STAT2: variants seen among roughly 807,000 people sequenced by gnomAD.
STAT2 encodes the protein interferon alpha induced transcriptional activator.
A neutral mutation model predicts 122.3 loss-of-function variants in STAT2; 51 were observed. The ratio of observed to expected loss-of-function variants is 0.42; its 90% CI spans 0.33 to 0.53. The LOEUF (loss-of-function observed/expected upper bound fraction) is 0.53, where lower values mean the gene tolerates loss of function less well. Among genes scored for constraint, STAT2 ranks in the 20% least tolerant of loss-of-function variants. STAT2 has a pLI of 0.10. For missense variants in STAT2, 736 were observed against 1,010.3 expected (o/e 0.73, Z 3.68); for synonymous variants, 351 against 394.9 (o/e 0.89, Z 1.32).
rs750862737 is a variant in STAT2 at position 56,343,443 on chromosome 12, G to C, written c.2502C>G (p.Val834=). 1.9e-6 allele frequency: 3 copies of C among 1,614,136 alleles called. No individual in the cohort carries two copies. In the Admixed American group the frequency reaches 5.0e-5, roughly 27 times the overall value. Residue 834 remains valine, a synonymous_variant, in exon 24 of 24, where the codon GTC becomes GTG. Coordinates refer to ENST00000314128, the MANE Select transcript of STAT2 (RefSeq NM_005419.4). ...CAGTGTAGAAGTGGCTGGGGCGGGA[G>C]ACGTAAACCTCATCCACGGTGTTCT... is the stretch of plus-strand genomic sequence containing the variant. ...AGQNTVDEVY[V]SRPSHFYTDG...
At chr12:56,355,107 C>T in intron 6 of STAT2, 169 bp downstream of exon 6, 1 of 790,920 alleles carries the variant, frequency 1.3e-6, no homozygotes, top group Non-Finnish European at 2.0e-6. Context: ...AGCTGCACCT[C>T]CAGCTCAGCC....
chr12:56,356,168 C>T lies in STAT2; in HGVS notation c.249G>A (p.Leu83=). The part of the protein sequence containing the change: ...RCSQDPESLL[L]QHNLRKFCRD... ...GGCAGAATTTCCGCAAATTGTGCTG[C>T]AGCAACAAGGACTCTGGGTCCTGGC... The change falls in exon 3 of 24, where the codon CTG becomes CTA. Residue 83 remains leucine (L), a synonymous_variant. Transcript: ENST00000314128. 6.2e-7 allele frequency: 1 copy of T among 1,614,134 alleles called. No individual in the cohort carries two copies. The highest frequency in any genetic ancestry group is 8.5e-7 in the Non-Finnish European group (1 of 1,180,012).
Position 56,346,974 on chromosome 12 carries a change from CTG to C in STAT2, c.1725-21_1725-20del. On this transcript the variant is annotated intron_variant, in intron 19 of 23. Coordinates refer to ENST00000314128, the MANE Select transcript of STAT2 (RefSeq NM_005419.4). ...GATGCGTCTGGAGCACAGAGAGCAG[CTG>C]TGAGACACCGCCCAACACCCTGCCC... The C allele has an allele frequency of 6.2e-7, 1 of 1,613,528 alleles. No homozygotes were observed. Among genetic ancestry groups the C allele is most frequent in the Non-Finnish European group, 8.5e-7 (1 of 1,179,604 alleles).
intron 1 of STAT2, among the ~76,000 whole-genome samples, chr12:56,359,830 C>G (rs1880104237): frequency 6.6e-6 from 1 of 152,174 alleles, no homozygotes; most frequent in African/African-American, 2.4e-5. Context: ...ATGCCAGATT[C>G]CGGGTCTCGG....
intron 8 of STAT2, among the ~76,000 whole-genome samples, chr12:56,352,985 CTT>C (rs75253735): frequency 1.8e-4 from 25 of 141,938 alleles, no homozygotes; most frequent in Non-Finnish European, 1.4e-4. Flanking sequence ...CATGCCTAAT[CTT>C]TTTTTTTTTT....
intron 13 of STAT2, chr12:56,349,863 A>C (rs1878170455): frequency 4.6e-6 from 3 of 652,884 alleles, no homozygotes; most frequent in Non-Finnish European, 7.9e-6. Flanking sequence ...AGCCCGACCA[A>C]TATGGTGAAA....
Position 56,349,656 on chromosome 12 carries a change from A to G in STAT2, c.1210-20T>C. 6.2e-7 allele frequency: 1 copy of G among 1,614,134 alleles called. No homozygotes were observed. Among genetic ancestry groups the G allele is most frequent in the Non-Finnish European group, 8.5e-7 (1 of 1,180,018 alleles). Reference sequence around the variant, plus strand: ...CAGAGTCTGTGAATTGAAGGGAAGGAGAGAAAATGCCAGAGTGGGCACCCT... The same window carrying G: ...CAGAGTCTGTGAATTGAAGGGAAGGGGAGAAAATGCCAGAGTGGGCACCCT... On this transcript the variant is annotated intron_variant, in intron 13 of 23. Transcript: ENST00000314128.
rs911872306 is a variant in STAT2, at chr12:56,350,044, G to A, written c.1209+53C>T. The A allele has an allele frequency of 2.6e-5, 40 of 1,513,360 alleles. No homozygotes were observed. The Admixed American group carries it at 3.3e-4, about 12-fold the overall frequency. 93.7% of individuals were successfully genotyped at this position (1,513,360 alleles called of 1,614,324 possible). A position where few individuals can be genotyped will look rare whatever the true frequency, so the allele number is the denominator to read the frequency against. On this transcript the variant is annotated intron_variant, in intron 13 of 23. Coordinates refer to ENST00000314128, the MANE Select transcript of STAT2 (RefSeq NM_005419.4). ...AGCCTGGGGGACAGAGTGAGACTCC[G>A]TCTCAAAAAAATAAAAATAGTAATA...
intron 1 of STAT2, among the ~76,000 whole-genome samples, chr12:56,358,432 G>A (rs11171813): frequency 6.6e-6 from 1 of 151,960 alleles, no homozygotes; most frequent in Non-Finnish European, 1.5e-5. Flanking sequence ...TTTTAGTAGA[G>A]ATGGGGTTTC....
intron 20 of STAT2, 30 bp downstream of exon 20, chr12:56,346,789 C>T (rs1877535387): frequency 6.2e-7 from 1 of 1,613,700 alleles, no homozygotes; most frequent in Non-Finnish European, 8.5e-7. Flanking sequence ...AAAGGAGAGG[C>T]TGTGGGAATG....
In STAT2 at chr12:56,350,175, G is replaced by A; in HGVS notation, c.1131C>T (p.Asn377=). 2 of 1,612,386 alleles carry A rather than the reference G, an allele frequency of 1.2e-6. No individual in the cohort carries two copies. Among genetic ancestry groups the A allele is most frequent in the Non-Finnish European group, 1.7e-6 (2 of 1,179,550 alleles). Residue 377 remains asparagine, a synonymous_variant, in exon 13 of 24, where the codon AAC becomes AAT. Coordinates refer to ENST00000314128, the MANE Select transcript of STAT2 (RefSeq NM_005419.4). ...AAGTTTTCTGGTTTGAAGTCAGAATGTTGAACTTCCGGAAGCTGTTCCAGG... is the reference window on the plus strand; with the variant it reads ...AAGTTTTCTGGTTTGAAGTCAGAATATTGAACTTCCGGAAGCTGTTCCAGG... ...PPQLQGFRKF[N]ILTSNQKTLT... is the part of the protein sequence containing the mutation.
intron 3 of STAT2, among the ~76,000 whole-genome samples, 155 bp from the exon 4 acceptor site, chr12:56,355,958 G>A (rs1014049057): frequency 7.2e-5 from 11 of 152,088 alleles, no homozygotes; most frequent in Non-Finnish European, 1.3e-4. Flanking sequence ...ACAGTGTCAC[G>A]TATATGCAAC....
chr12:56,349,830 C>G (rs1347669362), intron 13 of STAT2, 194 bp from the exon 14 acceptor site: 1 of 734,938 alleles, frequency 1.4e-6, no homozygotes, highest in Non-Finnish European at 2.3e-6. Context: ...GGGTGGATCA[C>G]CTGAGGTCAG....
At chr12:56,345,380 A>T (rs1349894035) in intron 22 of STAT2, among the ~76,000 whole-genome samples, 1 of 144,364 alleles carries the variant, frequency 6.9e-6, no homozygotes, top group Non-Finnish European at 1.5e-5. Flanking sequence ...GTGTGCCTGT[A>T]GTCTCAGCTA....
intron 21 of STAT2, 22 bp downstream of exon 21, chr12:56,346,420 G>A (rs1877468459): frequency 6.2e-7 from 1 of 1,613,366 alleles, no homozygotes; most frequent in Admixed American, 1.7e-5. Context: ...ATCTAGCAAT[G>A]AAGTATGTCA....
chr12:56,356,503 C>A lies in STAT2; in HGVS notation c.69G>T (p.Ser23=). 1 of 1,614,158 alleles carries A rather than the reference C, an allele frequency of 6.2e-7. No homozygotes were observed. The highest frequency in any genetic ancestry group is 8.5e-7 in the Non-Finnish European group (1 of 1,180,032). Residue 23 remains serine (S), a synonymous_variant, in exon 2 of 24, where the codon TCG becomes TCT. Transcript: ENST00000314128. The stretch of plus-strand genomic sequence containing the variant: ...GAATGTCCACAGGCAGGAGGCTGTG[C>A]GAGTAAAGCTGGTGCAGCTGATCCT... The part of the protein sequence containing the change: ...PFQDQLHQLY[S]HSLLPVDIRQ...
chr12:56,345,969 A>G (rs1877385594), intron 22 of STAT2, among the ~76,000 whole-genome samples, 177 bp downstream of exon 22: 1 of 151,946 alleles, frequency 6.6e-6, no homozygotes, highest in Non-Finnish European at 1.5e-5. Context: ...GGCTGGGGAG[A>G]CTGGAATAGG....
chr12:56,348,486 C>T (rs145024222), intron 19 of STAT2, 43 bp downstream of exon 19: 55 of 1,606,690 alleles, frequency 3.4e-5, no homozygotes, highest in Middle Eastern at 1.7e-4. Flanking sequence ...CTCTCAAGCC[C>T]GGAAAGCACA....
intron 1 of STAT2, among the ~76,000 whole-genome samples, chr12:56,359,555 G>A (rs1880056624): frequency 6.6e-6 from 1 of 152,078 alleles, no homozygotes; most frequent in African/African-American, 2.4e-5. Flanking sequence ...TGAGGTTAAG[G>A]GCTGAAACAA....
Sources: allele counts gnomAD v4.1 joint callset (sites outside exome capture counted in the v4.1 genomes callset), GRCh38; gene constraint gnomAD v4.1.1; transcripts MANE v1.5; gene names NCBI Gene and HGNC (gene_info 2026-07-23, HGNC 2026-07-21).